SLC8A1: variants seen among roughly 807,000 people sequenced by gnomAD.
SLC8A1 encodes sodium/calcium exchanger 1.
SLC8A1 carries 18 observed loss-of-function variants against 68.3 expected under a neutral mutation model. That is an observed-to-expected ratio of 0.26 (90% CI 0.18 to 0.39). The LOEUF (loss-of-function observed/expected upper bound fraction) is 0.39, where lower values mean the gene tolerates loss of function less well. SLC8A1 is among the 10% of genes least tolerant of loss of function. The probability of loss-of-function intolerance (pLI) is 1.00; values close to 1 mark genes in which losing one functional copy is unlikely to be tolerated. For missense variants in SLC8A1, 985 were observed against 1,156.7 expected, an observed-to-expected ratio of 0.85 and a Z score of 2.15; for synonymous variants, 475 against 415.5, an observed-to-expected ratio of 1.14 and a Z score of -1.74.
At chr2:40,489,858 A>G (rs1241203486) in intron 1 of SLC8A1, among the ~76,000 whole-genome samples, 1 of 151,928 alleles carries the variant, frequency 6.6e-6, no homozygotes, top group Non-Finnish European at 1.5e-5. Flanking sequence ...CCAATAAAAC[A>G]CTTTTCTAAA....
At chr2:40,410,822 ATACT>A (rs1468644686) in intron 2 of SLC8A1, among the ~76,000 whole-genome samples, 2 of 152,172 alleles carry the variant, frequency 1.3e-5, no homozygotes, top group Non-Finnish European at 2.9e-5. Context: ...TTATCTTGTG[ATACT>A]TACCATAGCA....
In SLC8A1 at chr2:40,131,858, A is replaced by ATTTTTTTT. The variant is rs71404277; in HGVS notation, c.2437+7535_2437+7542dup. On this transcript the variant is annotated intron_variant, in intron 7 of 7. Transcript: ENST00000406785. ...CTGATGAGGATTATCTTGGTATTCTATTTTTTTTTTTTTTTTTTTTTTTTT... is the reference window on the plus strand; with the variant it reads ...CTGATGAGGATTATCTTGGTATTCTATTTTTTTTTTTTTTTTTTTTTTTTTTTTTTTTT... 1.2e-4 allele frequency among the ~76,000 whole-genome samples: 11 copies of ATTTTTTTT among 95,552 alleles called. 2 individuals carry two copies. The highest frequency in any genetic ancestry group is 1.8e-4 in the Non-Finnish European group (9 of 50,370). The allele number at this position is 95,552 out of a possible 152,430, so 62.7% of individuals were successfully genotyped here.
chr2:40,176,959 T>C (rs2048578348), intron 3 of SLC8A1, among the ~76,000 whole-genome samples: 1 of 152,290 alleles, frequency 6.6e-6, no homozygotes, highest in African/African-American at 2.4e-5. Flanking sequence ...TGATACAAGA[T>C]TGCTGTCTTT....
chr2:40,482,806 T>G (rs958204156), intron 1 of SLC8A1, among the ~76,000 whole-genome samples: 3 of 151,252 alleles, frequency 2.0e-5, no homozygotes, highest in Non-Finnish European at 4.4e-5. Flanking sequence ...TTTTTTTTTT[T>G]TTGAGACGGA....
At chr2:40,244,382 A>G (rs1004782255) in intron 2 of SLC8A1, among the ~76,000 whole-genome samples, 3 of 152,034 alleles carry the variant, frequency 2.0e-5, no homozygotes, top group African/African-American at 7.2e-5. Context: ...AGGTAATGAC[A>G]GCCTTTCCTG....
At chr2:40,340,922 TA>T (rs1482796971) in intron 2 of SLC8A1, among the ~76,000 whole-genome samples, 5 of 152,196 alleles carry the variant, frequency 3.3e-5, no homozygotes, top group Admixed American at 2.0e-4. Flanking sequence ...CTTTGATTCC[TA>T]CACAAATATA....
At chr2:40,367,892 T>C (rs1270089522) in intron 2 of SLC8A1, among the ~76,000 whole-genome samples, 1 of 152,194 alleles carries the variant, frequency 6.6e-6, no homozygotes, top group East Asian at 1.9e-4. Context: ...CAAAAACTGG[T>C]AGCATGCCAG....
At chr2:40,374,010 C>A (rs1335876517) in intron 2 of SLC8A1, among the ~76,000 whole-genome samples, 1 of 152,138 alleles carries the variant, frequency 6.6e-6, no homozygotes, top group Non-Finnish European at 1.5e-5. Flanking sequence ...ACACTCCTTG[C>A]CTGACCCAGT....
intron 6 of SLC8A1, among the ~76,000 whole-genome samples, chr2:40,146,328 G>T (rs1395439348): frequency 2.6e-5 from 4 of 152,120 alleles, no homozygotes; most frequent in Non-Finnish European, 5.9e-5. Flanking sequence ...TGCCACTTCT[G>T]AGAGTTTCAG....
chr2:40,409,013 A>G (rs1433651514), intron 2 of SLC8A1, among the ~76,000 whole-genome samples: 1 of 152,218 alleles, frequency 6.6e-6, no homozygotes, highest in Non-Finnish European at 1.5e-5. Flanking sequence ...CGTTTTAAAC[A>G]GTAGTCAATG....
chr2:40,163,940 G>T (rs776198669), intron 5 of SLC8A1, among the ~76,000 whole-genome samples: 2 of 152,186 alleles, frequency 1.3e-5, no homozygotes, highest in African/African-American at 2.4e-5. Context: ...TTCTAAATTG[G>T]TGGTCTGATT....
chr2:40,442,406 A>AT (rs1217603113), intron 1 of SLC8A1, among the ~76,000 whole-genome samples: 1 of 150,912 alleles, frequency 6.6e-6, no homozygotes, highest in Non-Finnish European at 1.5e-5. Flanking sequence ...ACAAAAAAAA[A>AT]AAAAAAGAAA....
At chr2:40,141,907 A>C (rs1403030101) in intron 6 of SLC8A1, among the ~76,000 whole-genome samples, 1 of 152,194 alleles carries the variant, frequency 6.6e-6, no homozygotes, top group South Asian at 2.1e-4. Flanking sequence ...GTGTCCAGTG[A>C]GAAGACAGAC....
intron 2 of SLC8A1, among the ~76,000 whole-genome samples, chr2:40,326,579 C>G (rs1337911561): frequency 6.6e-6 from 1 of 152,150 alleles, no homozygotes; most frequent in Non-Finnish European, 1.5e-5. Flanking sequence ...TAACTATCCT[C>G]TTCCTCTCTT....
intron 7 of SLC8A1, among the ~76,000 whole-genome samples, chr2:40,120,487 T>G (rs1344448721): frequency 6.6e-6 from 1 of 152,194 alleles, no homozygotes; most frequent in Non-Finnish European, 1.5e-5. Flanking sequence ...GATTGCAGTT[T>G]CCTCATTTAA....
At chr2:40,115,520 G>A (rs370192379) in exon 8 of SLC8A1, 131 of 1,614,098 alleles carry the variant, frequency 8.1e-5, no homozygotes, top group Non-Finnish European at 1.1e-4. Flanking sequence ...CGATGGACCA[G>A]GCCACACCGA....
At chr2:40,374,249 T>C (rs967886345) in intron 2 of SLC8A1, among the ~76,000 whole-genome samples, 1 of 152,176 alleles carries the variant, frequency 6.6e-6, no homozygotes, top group South Asian at 2.1e-4. Context: ...CAGCGGCTCA[T>C]CTCTGTAATC....
intron 7 of SLC8A1, among the ~76,000 whole-genome samples, chr2:40,131,042 C>A (rs917134018): frequency 1.3e-5 from 2 of 152,182 alleles, no homozygotes; most frequent in African/African-American, 4.8e-5. Context: ...TAAGGGAGAT[C>A]CAACATTTTT....
intron 2 of SLC8A1, among the ~76,000 whole-genome samples, chr2:40,316,893 G>C (rs546878786): frequency 6.6e-6 from 1 of 152,022 alleles, no homozygotes; most frequent in East Asian, 1.9e-4. Context: ...CATCATCCCT[G>C]AAAGTCCCTC....
Sources: gnomAD v4.1 joint callset for allele counts (sites outside exome capture counted in the v4.1 genomes callset) on GRCh38, gnomAD v4.1.1 for gene constraint, MANE v1.5 for transcripts, NCBI Gene and HGNC (gene_info 2026-07-23, HGNC 2026-07-21) for gene names.